IPP: variants seen among roughly 807,000 people sequenced by gnomAD.
IPP encodes the protein actin-binding protein IPP.
A neutral mutation model predicts 64.1 loss-of-function variants in IPP; 41 were observed. The ratio of observed to expected loss-of-function variants is 0.64; its 90% CI spans 0.50 to 0.83. The LOEUF (loss-of-function observed/expected upper bound fraction) is 0.83, where lower values mean the gene tolerates loss of function less well. Ranked by LOEUF, IPP falls within the 40% of genes least tolerant of loss-of-function variation. The pLI is 0.00. For synonymous variants in IPP, 214 were observed against 235.2 expected (o/e 0.91, Z 0.83); for missense variants, 649 against 703.0 (o/e 0.92, Z 0.87).
At chr1:45,697,818 C>G (rs979757582), downstream of IPP, 2 of 151,622 alleles carry the variant, frequency 1.3e-5, no homozygotes, top group Admixed American at 6.6e-5. Context: ...ATTAGCCAGG[C>G]ATGGTGGCTC....
chr1:45,749,767 G>A (rs1034268665), intron 1 of IPP, among the ~76,000 whole-genome samples: 1 of 152,004 alleles, frequency 6.6e-6, no homozygotes, highest in Non-Finnish European at 1.5e-5. Context: ...TGATCCGCCC[G>A]CCTCGGCCTC....
chr1:45,746,782 T>A (rs1382938840), intron 1 of IPP, among the ~76,000 whole-genome samples: 4 of 152,168 alleles, frequency 2.6e-5, no homozygotes, highest in East Asian at 3.9e-4. Context: ...AGACAGAAAG[T>A]TAACAAAGCA....
At chr1:45,724,995 C>T (rs1570002284) in intron 5 of IPP, among the ~76,000 whole-genome samples, 5 of 140,686 alleles carry the variant, frequency 3.6e-5, no homozygotes, top group East Asian at 2.2e-4. Flanking sequence ...CCCGGCCAGT[C>T]GCCCCGTCCA....
At chr1:45,694,877 C>T, downstream of IPP, 1 of 167,948 alleles carries the variant, frequency 6.0e-6, no homozygotes, top group Non-Finnish European at 1.3e-5. Flanking sequence ...AATGAGCAGG[C>T]CTATCTAGTT....
In IPP at chr1:45,716,074, A is replaced by T. The variant is rs183253072; in HGVS notation, c.1309+821T>A. 2.1e-3 allele frequency among the ~76,000 whole-genome samples: 313 copies of T among 152,308 alleles called. 1 individual carries two copies. The highest frequency in any genetic ancestry group is 6.8e-3 in the Middle Eastern group (2 of 294). ...AATTAGGTTCTAGTTAAAACAGCTT[A>T]CTACCTACCTCTCAAGAGTATAGTA... On this transcript the variant is annotated intron_variant, in intron 7 of 8. Transcript: ENST00000396478.
At chr1:45,738,838 T>C (rs1165498608) in intron 3 of IPP, among the ~76,000 whole-genome samples, 1 of 18,318 alleles carries the variant, frequency 5.5e-5, no homozygotes, top group Non-Finnish European at 9.7e-5. Context: ...AGACTCCATC[T>C]CAAAAAAAAA....
intron 8 of IPP, among the ~76,000 whole-genome samples, chr1:45,712,298 T>TAAAA (rs71058702): frequency 7.6e-6 from 1 of 131,318 alleles, no homozygotes. Context: ...AGACGACGTC[T>TAAAA]AAAAAAAAAA....
chr1:45,698,324 C>T (rs1180710385), downstream of IPP, among the ~76,000 whole-genome samples: 3 of 152,128 alleles, frequency 2.0e-5, no homozygotes, highest in Non-Finnish European at 4.4e-5. Context: ...TATGCAAGAC[C>T]TTTAATATAT....
chr1:45,715,711 T>A (rs1453280311), intron 7 of IPP, among the ~76,000 whole-genome samples: 1 of 152,120 alleles, frequency 6.6e-6, no homozygotes, highest in African/African-American at 2.4e-5. Context: ...GCCTTGCCAG[T>A]AACCAGCTAT....
chr1:45,717,409 A>G (rs1645675296), intron 6 of IPP, among the ~76,000 whole-genome samples: 1 of 152,184 alleles, frequency 6.6e-6, no homozygotes, highest in South Asian at 2.1e-4. Context: ...AATCAAGGCC[A>G]GCTCCAAACC....
At chr1:45,705,096 G>A (rs1171340122) in intron 8 of IPP, among the ~76,000 whole-genome samples, 1 of 152,228 alleles carries the variant, frequency 6.6e-6, no homozygotes, top group African/African-American at 2.4e-5. Flanking sequence ...ACCTCAATAA[G>A]GTTGTTTTCT....
intron 3 of IPP, 21 bp from the exon 4 acceptor site, chr1:45,729,790 A>G: frequency 1.4e-6 from 2 of 1,426,898 alleles, no homozygotes; most frequent in Non-Finnish European, 1.9e-6. Flanking sequence ...ATTTAAAAAG[A>G]CAATGTTTTA....
At chr1:45,717,103 C>T (rs780040092) in intron 6 of IPP, 86 bp from the exon 7 acceptor site, 1 of 1,236,292 alleles carries the variant, frequency 8.1e-7, no homozygotes, top group Non-Finnish European at 1.2e-6. Flanking sequence ...AAACCAAATA[C>T]TTCATATTAT....
chr1:45,717,221 GAAA>G (rs56338317), intron 6 of IPP, among the ~76,000 whole-genome samples: 1,670 of 95,262 alleles, frequency 0.018, 14 homozygotes, highest in Middle Eastern at 0.071. Context: ...GCTCTTTTGA[GAAA>G]AAAAAAAAAA....
chr1:45,701,434 C>G (rs982866981), intron 8 of IPP, among the ~76,000 whole-genome samples: 9 of 152,166 alleles, frequency 5.9e-5, no homozygotes, highest in African/African-American at 2.2e-4. Flanking sequence ...ATTACAGGAA[C>G]CCGCCACCAC....
At chr1:45,742,688 C>G (rs1646082630) in intron 2 of IPP, among the ~76,000 whole-genome samples, 1 of 152,018 alleles carries the variant, frequency 6.6e-6, no homozygotes, top group South Asian at 2.1e-4. Flanking sequence ...CACTCACCAC[C>G]ATGATCGGCT....
intron 1 of IPP, among the ~76,000 whole-genome samples, chr1:45,747,269 T>C (rs1198802329): frequency 6.6e-6 from 1 of 152,090 alleles, no homozygotes; most frequent in African/African-American, 2.4e-5. Context: ...ACAGCTTAGG[T>C]TGGGTTTTTT....
In IPP at chr1:45,729,652, C is replaced by G. The variant is rs754374710; in HGVS notation, c.842G>C (p.Arg281Pro). ...FCSFLQTSKV[R>P]PRKKARKYLY... Reference sequence around the variant, plus strand: ...GTACTTTCTTGCTTTCTTCCGAGGTCGAACCTTAGATGTCTGCAGAAAACT... The same window carrying G: ...GTACTTTCTTGCTTTCTTCCGAGGTGGAACCTTAGATGTCTGCAGAAAACT... Residue 281 changes from arginine to proline, a missense_variant, in exon 4 of 9, where the codon CGA (arginine) becomes CCA (proline). By Grantham distance (103) the Arg-to-Pro change is moderately radical. Coordinates refer to ENST00000396478, the MANE Select transcript of IPP (RefSeq NM_005897.3). The G allele has an allele frequency of 6.2e-7, 1 of 1,613,196 alleles. No individual in the cohort carries two copies. Among genetic ancestry groups the G allele is most frequent in the Non-Finnish European group, 8.5e-7 (1 of 1,179,594 alleles).
chr1:45,709,021 A>G (rs1645553364), intron 8 of IPP, among the ~76,000 whole-genome samples: 1 of 141,518 alleles, frequency 7.1e-6, no homozygotes, highest in Non-Finnish European at 1.5e-5. Context: ...GCAACAGAGC[A>G]AGACTCCATC....
Sources: allele counts gnomAD v4.1 joint callset (sites outside exome capture counted in the v4.1 genomes callset), GRCh38; gene constraint gnomAD v4.1.1; transcripts MANE v1.5; gene names NCBI Gene and HGNC (gene_info 2026-07-23, HGNC 2026-07-21).